BMPR1A: variants seen among roughly 807,000 people sequenced by gnomAD.
BMPR1A encodes the protein bone morphogenetic protein receptor type-1A.
Under a neutral mutation model 66.0 loss-of-function variants are expected in BMPR1A, and 7 were observed. That is an observed-to-expected ratio of 0.11 (90% CI 0.06 to 0.20). The LOEUF (loss-of-function observed/expected upper bound fraction) is 0.20. Ranked by LOEUF, BMPR1A falls within the 10% of genes least tolerant of loss-of-function variation. The pLI is 1.00. For synonymous variants in BMPR1A, 200 were observed against 229.7 expected, an observed-to-expected ratio of 0.87 and a Z score of 1.17; for missense variants, 408 against 669.1, an observed-to-expected ratio of 0.61 and a Z score of 4.31.
intron 2 of BMPR1A, among the ~76,000 whole-genome samples, chr10:86,853,753 A>T (rs1842603562): frequency 6.6e-6 from 1 of 152,144 alleles, no homozygotes; most frequent in Admixed American, 6.6e-5. Flanking sequence ...TCAAAAGGGG[A>T]GGGAGTGTGC....
intron 1 of BMPR1A, among the ~76,000 whole-genome samples, chr10:86,831,151 G>T (rs1842262332): frequency 6.6e-6 from 1 of 152,194 alleles, no homozygotes; most frequent in Admixed American, 6.5e-5. Flanking sequence ...AATTAAGGTT[G>T]TTTTCACTTC....
At chr10:86,856,018 C>A in intron 2 of BMPR1A, 1 of 619,126 alleles carries the variant, frequency 1.6e-6, no homozygotes, top group South Asian at 1.5e-5. Context: ...TGCCTCTCAC[C>A]GTACTGGAGT....
chr10:86,919,066 T>C, intron 9 of BMPR1A, 106 bp from the exon 10 acceptor site: 1 of 1,265,474 alleles, frequency 7.9e-7, no homozygotes, highest in South Asian at 1.2e-5. Flanking sequence ...AAAGTTTCAC[T>C]ATCTGCACAT....
At chr10:86,784,812 C>CAAGA (rs1444695926) in intron 1 of BMPR1A, among the ~76,000 whole-genome samples, 3 of 152,026 alleles carry the variant, frequency 2.0e-5, no homozygotes, top group Non-Finnish European at 4.4e-5. Flanking sequence ...TCATAGTAGT[C>CAAGA]TCTTATCCTT....
intron 1 of BMPR1A, among the ~76,000 whole-genome samples, chr10:86,803,531 A>C (rs756280302): frequency 3.3e-5 from 5 of 152,172 alleles, no homozygotes; most frequent in Non-Finnish European, 5.9e-5. Flanking sequence ...ATCTGGAATT[A>C]GTTTTGTTGC....
At chr10:86,778,927 CTTTTTT>C (rs34496927) in intron 1 of BMPR1A, among the ~76,000 whole-genome samples, 1 of 118,494 alleles carries the variant, frequency 8.4e-6, no homozygotes, top group Non-Finnish European at 1.8e-5. Context: ...TATGTATTTT[CTTTTTT>C]TTTTTTTTTT....
intron 1 of BMPR1A, among the ~76,000 whole-genome samples, chr10:86,813,802 T>C (rs2132954092): frequency 6.6e-6 from 1 of 152,304 alleles, no homozygotes; most frequent in South Asian, 2.1e-4. Flanking sequence ...CCTATGTCAG[T>C]ATCCCTCTAT....
chr10:86,759,400 G>A (rs2132572035), intron 1 of BMPR1A, among the ~76,000 whole-genome samples: 1 of 152,148 alleles, frequency 6.6e-6, no homozygotes, highest in African/African-American at 2.4e-5. Context: ...TCTGAATCAC[G>A]TTTTTTTGTT....
chr10:86,780,646 G>T (rs1481943031), intron 1 of BMPR1A, among the ~76,000 whole-genome samples: 4 of 151,874 alleles, frequency 2.6e-5, no homozygotes, highest in Non-Finnish European at 5.9e-5. Context: ...TGTTGGTCAG[G>T]CTGGTCTCGA....
At position 86,923,621 on chromosome 10, in the gene BMPR1A, T is replaced by G. The variant is rs1564725794; in HGVS notation, c.1501T>G (p.Ser501Ala). The change falls in exon 13 of 13, where the codon TCA becomes GCA. Residue 501 changes from serine to alanine, a missense_variant. Ser to Ala is a moderately conservative substitution (Grantham distance 99). Transcript: ENST00000372037. ...TCTACGAGCAGTTTTGAAGCTAATG[T>G]CAGAATGCTGGGCCCACAATCCAGC... ...ECLRAVLKLM[S>A]ECWAHNPASR... The G allele has an allele frequency of 1.2e-6, 2 of 1,614,092 alleles. No homozygotes were observed. The highest frequency in any genetic ancestry group is 2.2e-5 in the South Asian group (2 of 91,088).
At chr10:86,918,085 A>G (rs1843604338) in intron 9 of BMPR1A, among the ~76,000 whole-genome samples, 2 of 152,276 alleles carry the variant, frequency 1.3e-5, no homozygotes, top group South Asian at 4.2e-4. Context: ...TCCTTGGCTT[A>G]GTATAGACAA....
intron 1 of BMPR1A, among the ~76,000 whole-genome samples, chr10:86,764,340 A>C (rs1016419543): frequency 3.9e-5 from 6 of 152,240 alleles, no homozygotes; most frequent in African/African-American, 1.2e-4. Context: ...AATGTCATGA[A>C]ATAAAAATAT....
rs2133644725 is a variant in BMPR1A, at chr10:86,925,871, G to A, written c.*2152G>A. ...GCCTCCCGAGTAGCTGGGACTACAG[G>A]CGCCCGCCACCGCGCCCGGCTAATT... On this transcript the variant is annotated 3_prime_UTR_variant, in exon 13 of 13. Coordinates refer to ENST00000372037, the MANE Select transcript of BMPR1A (RefSeq NM_004329.3). 1 of 163,850 alleles carries A rather than the reference G, an allele frequency of 6.1e-6. No individual in the cohort carries two copies. The highest frequency in any genetic ancestry group is 2.4e-5 in the African/African-American group (1 of 41,584). The allele number at this position is 163,850 out of a possible 1,614,324, so 10.1% of individuals were successfully genotyped here. A position where few individuals can be genotyped will look rare whatever the true frequency, so the allele number is the denominator to read the frequency against.
chr10:86,760,109 T>TA (rs2132577490), intron 1 of BMPR1A, among the ~76,000 whole-genome samples: 1 of 151,374 alleles, frequency 6.6e-6, no homozygotes, highest in Non-Finnish European at 1.5e-5. Flanking sequence ...GCCCAGTTCT[T>TA]ACCACTTCGC....
chr10:86,906,410 TA>T (rs1843388102), intron 7 of BMPR1A, among the ~76,000 whole-genome samples: 1 of 104,712 alleles, frequency 9.6e-6, no homozygotes, highest in Non-Finnish European at 1.7e-5. Context: ...AATTATCTAC[TA>T]TTTTTTTTAA....
At chr10:86,920,858 T>TC (rs1180309712) in intron 10 of BMPR1A, among the ~76,000 whole-genome samples, 1 of 144,084 alleles carries the variant, frequency 6.9e-6, no homozygotes, top group East Asian at 2.0e-4. Flanking sequence ...TTTCTTTTCT[T>TC]TTTTTTTTTT....
chr10:86,788,356 C>G (rs1841548244), intron 1 of BMPR1A, among the ~76,000 whole-genome samples: 1 of 152,108 alleles, frequency 6.6e-6, no homozygotes, highest in Non-Finnish European at 1.5e-5. Context: ...ATGCTGAGTC[C>G]TGTCTCATTT....
In BMPR1A at chr10:86,762,444, C is replaced by T. The variant is rs562166055; in HGVS notation, c.-268+5525C>T. Among the ~76,000 whole-genome samples, 25 of 151,440 alleles carry T rather than the reference C, an allele frequency of 1.7e-4. No individual in the cohort carries two copies. The South Asian group carries it at 3.6e-3, about 22-fold the overall frequency. On this transcript the variant is annotated intron_variant, in intron 1 of 12. Coordinates refer to ENST00000372037, the MANE Select transcript of BMPR1A (RefSeq NM_004329.3). ...TGCGATCTGGGCTCACTGCAACCTC[C>T]GCCTCCTGGGTTCAAGTGATTATCC...
At chr10:86,871,640 A>T (rs1018415571) in intron 2 of BMPR1A, among the ~76,000 whole-genome samples, 1 of 152,018 alleles carries the variant, frequency 6.6e-6, no homozygotes, top group Non-Finnish European at 1.5e-5. Context: ...GGCAAACCCC[A>T]TCTCAACAGA....
Sources: gnomAD v4.1 joint callset for allele counts (sites outside exome capture counted in the v4.1 genomes callset) on GRCh38, gnomAD v4.1.1 for gene constraint, MANE v1.5 for transcripts, NCBI Gene and HGNC (gene_info 2026-07-23, HGNC 2026-07-21) for gene names.